EPHA6: variants seen among roughly 807,000 people sequenced by gnomAD.
EPHA6 encodes ephrin type-A receptor 6.
A neutral mutation model predicts 112.0 loss-of-function variants in EPHA6; 50 were observed. The observed-to-expected ratio is 0.45, with a 90% CI of 0.36 to 0.56. The LOEUF is 0.56. Among genes scored for constraint, EPHA6 ranks in the 20% least tolerant of loss-of-function variants. EPHA6 has a pLI of 0.00. For synonymous variants in EPHA6, 529 were observed against 490.7 expected (o/e 1.08, Z -1.03); for missense variants, 1,280 against 1,417.4 (o/e 0.90, Z 1.56).
chr3:97,593,278 G>A (rs2093560998), intron 12 of EPHA6, among the ~76,000 whole-genome samples: 1 of 152,040 alleles, frequency 6.6e-6, no homozygotes, highest in Non-Finnish European at 1.5e-5. Flanking sequence ...ATTTTATTGA[G>A]AGAAACAAAA....
At chr3:97,233,073 C>T (rs1012866974) in intron 4 of EPHA6, among the ~76,000 whole-genome samples, 2 of 152,070 alleles carry the variant, frequency 1.3e-5, no homozygotes, top group Admixed American at 6.6e-5. Context: ...CAGGTGTTTT[C>T]TATCTATTGG....
intron 5 of EPHA6, among the ~76,000 whole-genome samples, chr3:97,288,631 G>A (rs1318794285): frequency 1.3e-5 from 2 of 152,048 alleles, no homozygotes; most frequent in Non-Finnish European, 2.9e-5. Context: ...GTAGTTCTAA[G>A]TTCTTCAAGA....
At chr3:97,319,504 C>A (rs1212901519) in intron 5 of EPHA6, among the ~76,000 whole-genome samples, 4 of 151,072 alleles carry the variant, frequency 2.6e-5, no homozygotes, top group Admixed American at 2.6e-4. Context: ...CCCATCTCTA[C>A]TAAAAATGCA....
intron 10 of EPHA6, among the ~76,000 whole-genome samples, chr3:97,518,402 G>T (rs1184038419): frequency 6.6e-6 from 1 of 151,022 alleles, no homozygotes; most frequent in Non-Finnish European, 1.5e-5. Context: ...AGTGCCTATT[G>T]TAAATAGTGC....
intron 2 of EPHA6, among the ~76,000 whole-genome samples, chr3:96,951,297 A>T (rs972643626): frequency 6.6e-5 from 10 of 152,142 alleles, no homozygotes; most frequent in Admixed American, 1.3e-4. Context: ...AAAGAAATCA[A>T]AATATGCCTT....
Position 97,243,408 on chromosome 3 carries a change from T to C in EPHA6, c.1271-544T>C, listed in dbSNP as rs2078903160. 2.0e-5 allele frequency among the ~76,000 whole-genome samples: 3 copies of C among 151,896 alleles called. No individual in the cohort carries two copies. The South Asian group carries it at 6.2e-4, about 31-fold the overall frequency. On this transcript the variant is annotated intron_variant, in intron 4 of 17. Transcript: ENST00000389672. ...TCATTTCGTTTTTCCTTTTTCCAAA[T>C]CATCTGCTCACCCTAAATTTATGGT... is the stretch of plus-strand genomic sequence containing the variant.
intron 3 of EPHA6, among the ~76,000 whole-genome samples, chr3:97,031,583 C>G (rs1351417659): frequency 3.3e-5 from 5 of 152,066 alleles, no homozygotes; most frequent in Admixed American, 6.6e-5. Context: ...CTACAATGAA[C>G]TCAAACAAGT....
chr3:97,708,041 G>A lies in EPHA6; in HGVS notation c.2785-12220G>A, dbSNP rs191217016. ...ACAGAAAATTGGTGCCAAGAGTGGG[G>A]TACTGCTATAAAGATACCTAAAAAT... On this transcript the variant is annotated intron_variant, in intron 14 of 17. Transcript: ENST00000389672. 1.8e-3 allele frequency among the ~76,000 whole-genome samples: 276 copies of A among 152,304 alleles called. 2 individuals carry two copies. Among genetic ancestry groups the A allele is most frequent in the African/African-American group, 6.4e-3 (266 of 41,566 alleles).
At chr3:97,345,819 G>A (rs1055439681) in intron 5 of EPHA6, among the ~76,000 whole-genome samples, 1 of 151,998 alleles carries the variant, frequency 6.6e-6, no homozygotes, top group African/African-American at 2.4e-5. Flanking sequence ...CATTCTTTTA[G>A]TAGCTATAGC....
At chr3:96,875,949 T>A (rs891424993) in intron 2 of EPHA6, among the ~76,000 whole-genome samples, 1 of 151,524 alleles carries the variant, frequency 6.6e-6, no homozygotes, top group Non-Finnish European at 1.5e-5. Flanking sequence ...ATTCCTATAT[T>A]GTAAAATATA....
chr3:96,919,356 T>A lies in EPHA6; in HGVS notation c.450+52467T>A, dbSNP rs183312301. Among the ~76,000 whole-genome samples the A allele has an allele frequency of 5.5e-4, 84 of 152,006 alleles. No individual in the cohort carries two copies. The East Asian group carries it at 8.3e-3, about 15-fold the overall frequency. On this transcript the variant is annotated intron_variant, in intron 2 of 17. Coordinates refer to ENST00000389672, the MANE Select transcript of EPHA6 (RefSeq NM_001080448.3). ...TTTAAGTTTGAGAGCATGGATTAAA[T>A]GTACACACATATACATAAAATGTAA...
intron 5 of EPHA6, among the ~76,000 whole-genome samples, chr3:97,255,059 C>A (rs1276141744): frequency 1.3e-5 from 2 of 151,916 alleles, no homozygotes; most frequent in East Asian, 3.9e-4. Flanking sequence ...AAGAAGTGTT[C>A]TTCATGAATG....
At chr3:96,886,026 A>G (rs1053084419) in intron 2 of EPHA6, among the ~76,000 whole-genome samples, 2 of 152,118 alleles carry the variant, frequency 1.3e-5, no homozygotes, top group African/African-American at 4.8e-5. Flanking sequence ...GTGTATTTGC[A>G]TGTTTTTGAT....
chr3:97,506,044 C>A (rs989970702), intron 10 of EPHA6, among the ~76,000 whole-genome samples: 1 of 151,338 alleles, frequency 6.6e-6, no homozygotes, highest in African/African-American at 2.4e-5. Flanking sequence ...GTTTTTTTCT[C>A]GTAAATTTGT....
intron 3 of EPHA6, among the ~76,000 whole-genome samples, chr3:97,064,217 A>T (rs553316779): frequency 6.6e-6 from 1 of 152,174 alleles, no homozygotes; most frequent in Non-Finnish European, 1.5e-5. Context: ...TTCTCAGTTC[A>T]TATAGAATCC....
chr3:97,232,423 C>T (rs1464341215), intron 4 of EPHA6, among the ~76,000 whole-genome samples: 4 of 152,082 alleles, frequency 2.6e-5, no homozygotes, highest in Non-Finnish European at 5.9e-5. Flanking sequence ...TTGTCAGGTT[C>T]ACGGCTTCCA....
At chr3:97,576,815 C>G (rs1030841788) in intron 11 of EPHA6, among the ~76,000 whole-genome samples, 3 of 149,408 alleles carry the variant, frequency 2.0e-5, no homozygotes, top group African/African-American at 7.4e-5. Flanking sequence ...ATGTATAAGA[C>G]AAAAAAAAAT....
chr3:97,739,041 T>C (rs1016799083), intron 16 of EPHA6, among the ~76,000 whole-genome samples: 7 of 152,102 alleles, frequency 4.6e-5, no homozygotes, highest in Admixed American at 3.3e-4. Flanking sequence ...ACACAGTAGA[T>C]TAAAAGATAG....
intron 3 of EPHA6, among the ~76,000 whole-genome samples, chr3:97,196,724 C>A (rs1027813412): frequency 6.6e-6 from 1 of 151,566 alleles, no homozygotes; most frequent in Non-Finnish European, 1.5e-5. Flanking sequence ...TAGTGTGACT[C>A]TTTCAGAATC....
Sources: allele counts gnomAD v4.1 joint callset (sites outside exome capture counted in the v4.1 genomes callset), GRCh38; gene constraint gnomAD v4.1.1; transcripts MANE v1.5; gene names NCBI Gene and HGNC (gene_info 2026-07-23, HGNC 2026-07-21).